The following LCP1 variants were observed in gnomAD, a reference collection of about 807,000 sequenced individuals.
LCP1 encodes plastin-2.
A neutral mutation model predicts 72.0 loss-of-function variants in LCP1; 23 were observed. The ratio of observed to expected loss-of-function variants is 0.32; its 90% CI spans 0.23 to 0.45. The LOEUF (loss-of-function observed/expected upper bound fraction) is 0.45. Among genes scored for constraint, LCP1 ranks in the 20% least tolerant of loss-of-function variants. The pLI is 1.00. For missense variants in LCP1, 571 were observed against 748.3 expected, an observed-to-expected ratio of 0.76 and a Z score of 2.76; for synonymous variants, 245 against 275.4, an observed-to-expected ratio of 0.89 and a Z score of 1.09.
At chr13:46,163,039 G>A (rs981815822) in intron 1 of LCP1, among the ~76,000 whole-genome samples, 3 of 144,286 alleles carry the variant, frequency 2.1e-5, no homozygotes, top group South Asian at 2.2e-4. Context: ...CCGGCCAGCC[G>A]CCCCGTCCGG....
chr13:46,148,078 GTT>G (rs999330987), intron 9 of LCP1, among the ~76,000 whole-genome samples: 5 of 152,318 alleles, frequency 3.3e-5, no homozygotes, highest in African/African-American at 1.2e-4. Flanking sequence ...CCCATGTGGG[GTT>G]ATAGAGTCTA....
rs1566438529 is a variant in LCP1 at position 46,148,585 on chromosome 13, C to CTAATTAATTA, written c.883-139_883-138insTAATTAATTA. 2.6e-5 allele frequency: 17 copies of CTAATTAATTA among 643,252 alleles called. No homozygotes were observed. In the African/African-American group the frequency reaches 2.9e-4, roughly 11 times the overall value. 39.8% of individuals were successfully genotyped at this position (643,252 alleles called of 1,614,324 possible). On this transcript the variant is annotated intron_variant, in intron 8 of 15. Coordinates refer to ENST00000323076, the MANE Select transcript of LCP1 (RefSeq NM_002298.5). ...GAATGTAACTTAACAAAGCTAGAAACATTCACTAATTTGAATGTTCTATTT... is the reference window on the plus strand; with the variant it reads ...GAATGTAACTTAACAAAGCTAGAAACTAATTAATTAATTCACTAATTTGAATGTTCTATTT...
At chr13:46,130,977 CA>C in intron 14 of LCP1, 39 bp from the exon 15 acceptor site, 3 of 1,544,288 alleles carry the variant, frequency 1.9e-6, no homozygotes, top group Non-Finnish European at 1.7e-6. Flanking sequence ...CAACGTGTCC[CA>C]AAGTTACTCC....
chr13:46,142,710 A>G, intron 12 of LCP1: 1 of 529,750 alleles, frequency 1.9e-6, no homozygotes, highest in Non-Finnish European at 3.6e-6. Flanking sequence ...ATGGAGAGCC[A>G]TCCTTAATTA....
chr13:46,160,209 G>A (rs915677107), intron 1 of LCP1, among the ~76,000 whole-genome samples: 3 of 152,142 alleles, frequency 2.0e-5, no homozygotes, highest in African/African-American at 4.8e-5. Flanking sequence ...CAACCTGAGA[G>A]GGCCATTTTG....
Position 46,143,473 on chromosome 13 carries a change from C to G in LCP1, c.1254-69G>C, listed in dbSNP as rs925832163. 6.3e-6 allele frequency: 6 copies of G among 957,708 alleles called. No homozygotes were observed. The African/African-American group carries it at 9.7e-5, about 15-fold the overall frequency. The allele number at this position is 957,708 out of a possible 1,614,324, so 59.3% of individuals were successfully genotyped here. A position where few individuals can be genotyped will look rare whatever the true frequency, so the allele number is the denominator to read the frequency against. ...TATTCAGGGCCTACAATGGGCCAGA[C>G]ACTTTCTTACATATTAGTTCAAAGA... On this transcript the variant is annotated intron_variant, in intron 11 of 15. Coordinates refer to ENST00000323076, the MANE Select transcript of LCP1 (RefSeq NM_002298.5).
In LCP1 at chr13:46,180,862, T is replaced by C. The variant is rs549726061; in HGVS notation, c.-25+1249A>G. On this transcript the variant is annotated intron_variant, in intron 1 of 15. Coordinates refer to ENST00000323076, the MANE Select transcript of LCP1 (RefSeq NM_002298.5). ...ACAACATATTTTTAGTCTGTTCTTTTACGGGGTTCAAGTCCCTCTTATCTC... is the reference window on the plus strand; with the variant it reads ...ACAACATATTTTTAGTCTGTTCTTTCACGGGGTTCAAGTCCCTCTTATCTC... Among the ~76,000 whole-genome samples the C allele has an allele frequency of 2.0e-5, 3 of 152,384 alleles. No homozygotes were observed. In the South Asian group the frequency reaches 6.2e-4, roughly 32 times the overall value.
In LCP1 at chr13:46,126,101, T is replaced by C. The variant is rs2045596493; in HGVS notation, c.*1490A>G. ...TCAGAAGCAGCAAAAATACTGGTTATGGGCTGGGAGGAGCCACATGTTGGC... is the reference window on the plus strand; with the variant it reads ...TCAGAAGCAGCAAAAATACTGGTTACGGGCTGGGAGGAGCCACATGTTGGC... On this transcript the variant is annotated 3_prime_UTR_variant, in exon 16 of 16. Coordinates refer to ENST00000323076, the MANE Select transcript of LCP1 (RefSeq NM_002298.5). 4.6e-6 allele frequency: 1 copy of C among 216,400 alleles called. No homozygotes were observed. Among genetic ancestry groups the C allele is most frequent in the Non-Finnish European group, 9.3e-6 (1 of 107,280 alleles). 13.4% of individuals were successfully genotyped at this position (216,400 alleles called of 1,614,324 possible).
chr13:46,134,877 G>A (rs1044675345), intron 13 of LCP1, among the ~76,000 whole-genome samples: 1 of 152,066 alleles, frequency 6.6e-6, no homozygotes, highest in Admixed American at 6.6e-5. Flanking sequence ...GCCAAGGTGA[G>A]CAGTTCACTT....
intron 10 of LCP1, among the ~76,000 whole-genome samples, chr13:46,144,858 G>A (rs1375222898): frequency 6.6e-6 from 1 of 152,118 alleles, no homozygotes; most frequent in East Asian, 1.9e-4. Flanking sequence ...TCACTTATGA[G>A]GTAGATATAT....
At chr13:46,151,855 G>A (rs868081572) in intron 7 of LCP1, among the ~76,000 whole-genome samples, 19 of 152,182 alleles carry the variant, frequency 1.2e-4, no homozygotes, top group South Asian at 6.2e-4. Flanking sequence ...AGATAACATC[G>A]TGTTTTGCAT....
chr13:46,164,681 A>C (rs999488903), intron 1 of LCP1, among the ~76,000 whole-genome samples: 2 of 152,252 alleles, frequency 1.3e-5, no homozygotes, highest in Non-Finnish European at 2.9e-5. Flanking sequence ...GTTGGGCAGA[A>C]ACATGAATAG....
intron 8 of LCP1, among the ~76,000 whole-genome samples, chr13:46,149,985 C>CT (rs2138246149): frequency 6.6e-6 from 1 of 152,270 alleles, no homozygotes; most frequent in Non-Finnish European, 1.5e-5. Flanking sequence ...AAAATGGGGG[C>CT]TTTCCATCTA....
At chr13:46,173,847 G>A (rs569438862) in intron 1 of LCP1, among the ~76,000 whole-genome samples, 27 of 152,184 alleles carry the variant, frequency 1.8e-4, no homozygotes, top group Non-Finnish European at 3.5e-4. Flanking sequence ...CCTTCTAACA[G>A]TTGAGGAAGT....
At chr13:46,148,632 G>C (rs1242097585) in intron 8 of LCP1, 185 bp from the exon 9 acceptor site, 2 of 533,330 alleles carry the variant, frequency 3.8e-6, no homozygotes, top group Non-Finnish European at 6.4e-6. Flanking sequence ...TATCACATTT[G>C]CTTTTCTTTT....
At chr13:46,174,834 CAAAAAAAAAAA>C (rs398056355) in intron 1 of LCP1, among the ~76,000 whole-genome samples, 3,861 of 82,318 alleles carry the variant, frequency 0.047, 75 homozygotes, top group Admixed American at 0.071. Context: ...ACTCCATCTT[CAAAAAAAAAAA>C]AAAAAAGAAA....
rs1409816043 is a variant in LCP1, at chr13:46,126,742, G to A, written c.*849C>T. On this transcript the variant is annotated 3_prime_UTR_variant, in exon 16 of 16. Coordinates refer to ENST00000323076, the MANE Select transcript of LCP1 (RefSeq NM_002298.5). ...TGCTTAGTTATAGCTCCATGCTGCC[G>A]CCGAGTGGCTTGATGCTCCATTACA... The A allele has an allele frequency of 2.6e-5, 6 of 230,942 alleles. No individual in the cohort carries two copies. The highest frequency in any genetic ancestry group is 1.8e-4 in the South Asian group (1 of 5,504). The allele number at this position is 230,942 out of a possible 1,614,324, so 14.3% of individuals were successfully genotyped here. A position where few individuals can be genotyped will look rare whatever the true frequency, so the allele number is the denominator to read the frequency against.
chr13:46,161,842 G>A (rs188260730), intron 1 of LCP1, among the ~76,000 whole-genome samples: 90 of 152,214 alleles, frequency 5.9e-4, no homozygotes, highest in African/African-American at 2.1e-3. Flanking sequence ...AGAAGCTAAG[G>A]CAAAAAGGAA....
intron 2 of LCP1, 86 bp downstream of exon 2, chr13:46,159,513 G>A: frequency 9.5e-7 from 1 of 1,054,076 alleles, no homozygotes; most frequent in Non-Finnish European, 1.5e-6. Flanking sequence ...CTGAAATTTT[G>A]CTCATGTTCC....
Sources: allele counts gnomAD v4.1 joint callset (sites outside exome capture counted in the v4.1 genomes callset), GRCh38; gene constraint gnomAD v4.1.1; transcripts MANE v1.5; gene names NCBI Gene and HGNC (gene_info 2026-07-23, HGNC 2026-07-21).